Variants in LHFPL6 observed in about 807,000 individuals in gnomAD.
LHFPL6 encodes the protein LHFPL tetraspan subfamily member 6.
In LHFPL6, 9 loss-of-function variants were observed where a neutral mutation model predicts 20.6. The observed-to-expected ratio is 0.44, with a 90% CI of 0.26 to 0.76. LHFPL6 has a LOEUF of 0.76. LHFPL6 is among the 30% of genes least tolerant of loss of function. The pLI, the probability that LHFPL6 is intolerant of heterozygous loss-of-function variation, is 0.20. For synonymous variants in LHFPL6, 105 were observed against 98.7 expected (o/e 1.06, Z -0.38); for missense variants, 218 against 253.5 (o/e 0.86, Z 0.95).
intron 2 of LHFPL6, among the ~76,000 whole-genome samples, chr13:39,407,610 G>A (rs1177105765): frequency 6.6e-6 from 1 of 152,092 alleles, no homozygotes; most frequent in Non-Finnish European, 1.5e-5. Flanking sequence ...TGCCTGTAAT[G>A]GAAAAAATAT....
At chr13:39,510,453 A>C (rs1330850445) in intron 2 of LHFPL6, among the ~76,000 whole-genome samples, 23 of 152,228 alleles carry the variant, frequency 1.5e-4, no homozygotes, top group Admixed American at 1.4e-3. Flanking sequence ...AGGTCATTAG[A>C]AACTGAAAGT....
chr13:39,527,328 T>C (rs1870321188), intron 2 of LHFPL6, among the ~76,000 whole-genome samples: 1 of 152,106 alleles, frequency 6.6e-6, no homozygotes, highest in African/African-American at 2.4e-5. Context: ...TCACCTAAGG[T>C]GATGTGCTTC....
At chr13:39,381,189 A>G (rs1169770207) in intron 2 of LHFPL6, among the ~76,000 whole-genome samples, 8 of 152,182 alleles carry the variant, frequency 5.3e-5, no homozygotes, top group Non-Finnish European at 1.0e-4. Context: ...TGACAAGTAA[A>G]TGAAAAACAG....
At chr13:39,445,401 AGTT>A (rs1380062093) in intron 2 of LHFPL6, among the ~76,000 whole-genome samples, 1 of 152,212 alleles carries the variant, frequency 6.6e-6, no homozygotes, top group African/African-American at 2.4e-5. Context: ...TAACTTTTCC[AGTT>A]TTACAAATTA....
chr13:39,570,242 G>C (rs1871871669), intron 2 of LHFPL6, among the ~76,000 whole-genome samples: 1 of 152,146 alleles, frequency 6.6e-6, no homozygotes, highest in Non-Finnish European at 1.5e-5. Context: ...CCTGGATTCA[G>C]GCAATCTCTC....
intron 2 of LHFPL6, among the ~76,000 whole-genome samples, chr13:39,398,261 A>G (rs1267663107): frequency 2.0e-5 from 3 of 152,246 alleles, no homozygotes; most frequent in African/African-American, 2.4e-5. Flanking sequence ...AAAAAATTGT[A>G]AAATCTCCTA....
chr13:39,572,495 C>T (rs1464086389), intron 2 of LHFPL6, among the ~76,000 whole-genome samples: 1 of 152,172 alleles, frequency 6.6e-6, no homozygotes, highest in Admixed American at 6.5e-5. Flanking sequence ...CATCCATCTC[C>T]TATTACTCAA....
chr13:39,428,195 C>T (rs893679668), intron 2 of LHFPL6, among the ~76,000 whole-genome samples: 6 of 152,150 alleles, frequency 3.9e-5, no homozygotes, highest in Admixed American at 1.3e-4. Context: ...TCTTGAATGT[C>T]TTTGTCTGGC....
chr13:39,555,121 T>A (rs550528153), intron 2 of LHFPL6, among the ~76,000 whole-genome samples: 55 of 152,188 alleles, frequency 3.6e-4, no homozygotes, highest in Non-Finnish European at 2.9e-5. Flanking sequence ...TCTAACAATA[T>A]TACAATACAG....
At chr13:39,409,735 A>G (rs1230386664) in intron 2 of LHFPL6, among the ~76,000 whole-genome samples, 1 of 152,206 alleles carries the variant, frequency 6.6e-6, no homozygotes, top group Non-Finnish European at 1.5e-5. Context: ...GTCTTCAGGT[A>G]ACAGTAATTA....
chr13:39,433,679 G>A (rs775743795), intron 2 of LHFPL6, among the ~76,000 whole-genome samples: 1 of 152,136 alleles, frequency 6.6e-6, no homozygotes, highest in Non-Finnish European at 1.5e-5. Flanking sequence ...AATAAAACTG[G>A]CAAGTTAAGT....
chr13:39,539,111 C>T (rs1236687705), intron 2 of LHFPL6, among the ~76,000 whole-genome samples: 1 of 152,162 alleles, frequency 6.6e-6, no homozygotes, highest in Non-Finnish European at 1.5e-5. Flanking sequence ...CACCCCTAAT[C>T]GGCCCTTTCA....
rs527261929 is a variant in LHFPL6, at chr13:39,598,758, C to T, written c.385+2074G>A. ...TTTTTTAGTGGAGACCGGGTTTCAC[C>T]GTGTTAGCCAGGATGGTCTCGATCT... On this transcript the variant is annotated intron_variant, in intron 2 of 3. Transcript: ENST00000379589. 2.6e-3 allele frequency among the ~76,000 whole-genome samples: 402 copies of T among 152,112 alleles called. No homozygotes were observed. In the Middle Eastern group the frequency reaches 0.027, roughly 10 times the overall value.
rs926484274 is a variant in LHFPL6, at chr13:39,601,336, T to A, written c.-120A>T. 8 of 989,988 alleles carry A rather than the reference T, an allele frequency of 8.1e-6. No homozygotes were observed. The highest frequency in any genetic ancestry group is 1.1e-5 in the Non-Finnish European group (8 of 699,386). The allele number at this position is 989,988 out of a possible 1,614,324, so 61.3% of individuals were successfully genotyped here. A position where few individuals can be genotyped will look rare whatever the true frequency, so the allele number is the denominator to read the frequency against. On this transcript the variant is annotated 5_prime_UTR_variant, in exon 2 of 4. Coordinates refer to ENST00000379589, the MANE Select transcript of LHFPL6 (RefSeq NM_005780.3). ...CCACAGTTCCGTAATGCAGAATGGA[T>A]CTTCAGTCTTACTGGGCATCAACTT... is the stretch of plus-strand genomic sequence containing the variant.
chr13:39,347,039 C>T (rs1446203447), intron 3 of LHFPL6, among the ~76,000 whole-genome samples: 1 of 148,244 alleles, frequency 6.7e-6, no homozygotes, highest in Non-Finnish European at 1.5e-5. Context: ...AAGATTGCAC[C>T]ACTGCACTCC....
chr13:39,530,802 G>A (rs1319358012), intron 2 of LHFPL6, among the ~76,000 whole-genome samples: 2 of 151,730 alleles, frequency 1.3e-5, no homozygotes, highest in East Asian at 3.9e-4. Context: ...ACCTGGGGAA[G>A]CAGCATATGG....
intron 2 of LHFPL6, among the ~76,000 whole-genome samples, chr13:39,427,506 G>A (rs1312158271): frequency 6.6e-6 from 1 of 152,116 alleles, no homozygotes; most frequent in East Asian, 1.9e-4. Flanking sequence ...TTTGTAAAAT[G>A]TTCTTATTGC....
intron 3 of LHFPL6, among the ~76,000 whole-genome samples, chr13:39,345,665 G>A (rs1450457941): frequency 6.6e-6 from 1 of 151,986 alleles, no homozygotes; most frequent in Admixed American, 6.6e-5. Context: ...ATACCGAAGT[G>A]TTCCCACAGC....
intron 2 of LHFPL6, among the ~76,000 whole-genome samples, chr13:39,511,797 C>A (rs1245949747): frequency 1.3e-5 from 2 of 152,210 alleles, no homozygotes; most frequent in Non-Finnish European, 2.9e-5. Context: ...TAAGATTACA[C>A]CTGTTTTTAG....
Sources: gnomAD v4.1 joint callset for allele counts (sites outside exome capture counted in the v4.1 genomes callset) on GRCh38, gnomAD v4.1.1 for gene constraint, MANE v1.5 for transcripts, NCBI Gene and HGNC (gene_info 2026-07-23, HGNC 2026-07-21) for gene names.